NYAP2: variants seen among roughly 807,000 people sequenced by gnomAD.
The protein encoded by NYAP2 is neuronal tyrosine-phosphorylated phosphoinositide-3-kinase adapter 2.
NYAP2 carries 23 observed loss-of-function variants against 50.4 expected under a neutral mutation model. The observed-to-expected ratio is 0.46, with a 90% CI of 0.33 to 0.65. The LOEUF is 0.65. Ranked by LOEUF, NYAP2 falls within the 30% of genes least tolerant of loss-of-function variation. The pLI is 0.02. For synonymous variants in NYAP2, 394 were observed against 365.2 expected, an observed-to-expected ratio of 1.08 and a Z score of -0.90; for missense variants, 885 against 861.0, an observed-to-expected ratio of 1.03 and a Z score of -0.35.
chr2:225,647,567 G>A (rs1693655971), intron 6 of NYAP2, among the ~76,000 whole-genome samples: 1 of 151,898 alleles, frequency 6.6e-6, no homozygotes, highest in Non-Finnish European at 1.5e-5. Context: ...AGGCGAGAGA[G>A]GCTTGAAACT....
intron 5 of NYAP2, among the ~76,000 whole-genome samples, chr2:225,593,898 T>A (rs929722903): frequency 2.6e-5 from 4 of 152,228 alleles, no homozygotes; most frequent in Admixed American, 1.3e-4. Context: ...ATCAATATAG[T>A]CATTCAGCAA....
intron 4 of NYAP2, among the ~76,000 whole-genome samples, chr2:225,536,632 CA>C (rs1462366982): frequency 6.6e-6 from 1 of 152,018 alleles, no homozygotes; most frequent in African/African-American, 2.4e-5. Flanking sequence ...CACGTCAGGG[CA>C]AATGGGGTCA....
rs201097764 is a variant in NYAP2, at chr2:225,582,978, G to A, written c.1561G>A (p.Gly521Ser). The change falls in exon 5 of 7, where the codon GGC becomes AGC. Residue 521 changes from glycine (G) to serine (S), a missense_variant. By Grantham distance (56) the Gly-to-Ser change is moderately conservative (BLOSUM62 0). Transcript: ENST00000636099. This position sits in a 1 kb window ranked among gnomAD's most constrained non-coding sequence, Gnocchi z 7.0. ...GGAGCTGACCAGCCTCTTCTCCTCC[G>A]GCCGCAGCCTGCTGCGCAAGTCGTC... The A allele has an allele frequency of 2.6e-4, 425 of 1,612,320 alleles. No homozygotes were observed. The African/African-American group carries it at 5.0e-3, about 19-fold the overall frequency.
At chr2:225,600,686 C>A (rs1160516218) in intron 5 of NYAP2, among the ~76,000 whole-genome samples, 1 of 152,138 alleles carries the variant, frequency 6.6e-6, no homozygotes, top group African/African-American at 2.4e-5. Flanking sequence ...CACTCAAGAG[C>A]TTTCATTCTT....
At chr2:225,507,541 A>T (rs1484030140) in intron 3 of NYAP2, among the ~76,000 whole-genome samples, 3 of 152,224 alleles carry the variant, frequency 2.0e-5, no homozygotes, top group Non-Finnish European at 4.4e-5. Context: ...AGTATTTAAG[A>T]AAGTTAACAA....
Position 225,544,424 on chromosome 2 carries a change from A to G in NYAP2, c.523+30752A>G, listed in dbSNP as rs564134806. Among the ~76,000 whole-genome samples, 393 of 151,626 alleles carry G rather than the reference A, an allele frequency of 2.6e-3. 2 individuals carry two copies. The highest frequency in any genetic ancestry group is 3.9e-3 in the Non-Finnish European group (266 of 67,808). On this transcript the variant is annotated intron_variant, in intron 4 of 6. Coordinates refer to ENST00000636099, the Ensembl canonical transcript of NYAP2. Reference sequence around the variant, plus strand: ...ATTTCTTGCTTTTTTGTGTGTGTGTATTTGTTGTATGATGTTTAATTTGAG... The same window carrying G: ...ATTTCTTGCTTTTTTGTGTGTGTGTGTTTGTTGTATGATGTTTAATTTGAG...
exon 2 of NYAP2, chr2:225,401,003 CTGG>C (rs3216769): frequency 0.79 from 119,637 of 152,266 alleles, 47,300 homozygotes; most frequent in Non-Finnish European, 0.82. Flanking sequence ...AAGTCACCTT[CTGG>C]TTATTGCACT....
At chr2:225,571,159 C>T (rs1369078679) in intron 4 of NYAP2, among the ~76,000 whole-genome samples, 1 of 152,208 alleles carries the variant, frequency 6.6e-6, no homozygotes, top group Non-Finnish European at 1.5e-5. Flanking sequence ...ATGGTACAGC[C>T]CCACTCTGTG....
chr2:225,578,169 G>A (rs1203751536), intron 4 of NYAP2, among the ~76,000 whole-genome samples: 3 of 152,044 alleles, frequency 2.0e-5, no homozygotes, highest in Non-Finnish European at 4.4e-5. Flanking sequence ...CTGACCTCAA[G>A]TAATCCACCT....
At chr2:225,594,181 A>G (rs1692558758) in intron 5 of NYAP2, among the ~76,000 whole-genome samples, 1 of 152,234 alleles carries the variant, frequency 6.6e-6, no homozygotes, top group South Asian at 2.1e-4. Context: ...AAGCAATTTC[A>G]ATCTGCTTAA....
chr2:225,537,880 A>G (rs539431964), intron 4 of NYAP2, among the ~76,000 whole-genome samples: 17 of 152,350 alleles, frequency 1.1e-4, no homozygotes, highest in African/African-American at 4.1e-4. Context: ...ATGGGGATAC[A>G]GGCATTGGAT....
At chr2:225,664,690 T>C in the NYAP2 span, among the ~76,000 whole-genome samples, 1 of 150,712 alleles carries the variant, frequency 6.6e-6, no homozygotes, top group African/African-American at 2.4e-5. Flanking sequence ...CTGGCGAACA[T>C]GGTGAAACCC....
intron 3 of NYAP2, among the ~76,000 whole-genome samples, chr2:225,464,694 G>A (rs1394290089): frequency 6.6e-6 from 1 of 152,180 alleles, no homozygotes; most frequent in African/African-American, 2.4e-5. Context: ...CTATGGGAAA[G>A]CAATCCACGT....
intron 3 of NYAP2, among the ~76,000 whole-genome samples, chr2:225,477,752 C>T (rs1244013361): frequency 5.9e-5 from 9 of 152,108 alleles, no homozygotes; most frequent in South Asian, 2.1e-4. Context: ...TAGATACACA[C>T]GCACATATAT....
At chr2:225,690,774 G>T in the NYAP2 span, among the ~76,000 whole-genome samples, 1 of 151,846 alleles carries the variant, frequency 6.6e-6, no homozygotes, top group Non-Finnish European at 1.5e-5. Context: ...ATCATTTCTG[G>T]TTTATCTAAT....
intron 5 of NYAP2, among the ~76,000 whole-genome samples, chr2:225,602,231 C>A (rs1448440768): frequency 6.6e-6 from 1 of 152,078 alleles, no homozygotes; most frequent in African/African-American, 2.4e-5. Context: ...CGCCTGGGAC[C>A]AATCAGGGGC....
rs117289688 is a variant in NYAP2 at position 225,619,802 on chromosome 2, G to A, written c.1619-7115G>A. Among the ~76,000 whole-genome samples, 101 of 152,282 alleles carry A rather than the reference G, an allele frequency of 6.6e-4. 3 individuals carry two copies. In the East Asian group the frequency reaches 0.012, roughly 18 times the overall value. Reference sequence around the variant, plus strand: ...TGGTGTTATCTTTCTTCTGTATCCTGCTTCAGCCTAAACACTGTAACAAAT... The same window carrying A: ...TGGTGTTATCTTTCTTCTGTATCCTACTTCAGCCTAAACACTGTAACAAAT... On this transcript the variant is annotated intron_variant, in intron 5 of 6. Transcript: ENST00000636099.
At chr2:225,562,407 T>C (rs1691890951) in intron 4 of NYAP2, among the ~76,000 whole-genome samples, 1 of 152,124 alleles carries the variant, frequency 6.6e-6, no homozygotes, top group South Asian at 2.1e-4. Flanking sequence ...ATTTCTGTTA[T>C]TGTTTTAAAC....
chr2:225,459,297 C>T (rs1228354719), intron 3 of NYAP2, among the ~76,000 whole-genome samples: 1 of 152,190 alleles, frequency 6.6e-6, no homozygotes, highest in Non-Finnish European at 1.5e-5. Context: ...GCAGTGTTGA[C>T]ATTGGGATTT....
Sources: allele counts gnomAD v4.1 joint callset (sites outside exome capture counted in the v4.1 genomes callset), GRCh38; gene constraint gnomAD v4.1.1; non-coding constraint Gnocchi (gnomAD v3.1); transcripts MANE v1.5; gene names NCBI Gene and HGNC (gene_info 2026-07-23, HGNC 2026-07-21).